The following SGMS1 variants were observed in gnomAD, a reference collection of about 807,000 sequenced individuals.
SGMS1 encodes phosphatidylcholine:ceramide cholinephosphotransferase 1.
In SGMS1, 13 loss-of-function variants were observed where a neutral mutation model predicts 46.2. The observed-to-expected ratio is 0.28, with a 90% CI of 0.18 to 0.45. The LOEUF is 0.45. SGMS1 is among the 20% of genes least tolerant of loss of function. SGMS1 has a pLI of 1.00. For synonymous variants in SGMS1, 203 were observed against 187.8 expected, an observed-to-expected ratio of 1.08 and a Z score of -0.66; for missense variants, 324 against 519.9, an observed-to-expected ratio of 0.62 and a Z score of 3.66.
intron 4 of SGMS1, among the ~76,000 whole-genome samples, chr10:50,465,299 A>G (rs1323612006): frequency 1.3e-5 from 2 of 152,164 alleles, no homozygotes; most frequent in Non-Finnish European, 2.9e-5. Flanking sequence ...AGACAACTAA[A>G]TCCCCAGCAC....
chr10:50,341,080 A>G, intron 7 of SGMS1: 1 of 294,244 alleles, frequency 3.4e-6, no homozygotes, highest in South Asian at 3.4e-5. Flanking sequence ...AACAGGGAGA[A>G]GTTAACTCTC....
At chr10:50,464,975 A>G (rs1054557920) in intron 4 of SGMS1, among the ~76,000 whole-genome samples, 1 of 152,218 alleles carries the variant, frequency 6.6e-6, no homozygotes, top group African/African-American at 2.4e-5. Flanking sequence ...TAGACTCCAG[A>G]TAAGGCTGAA....
At chr10:50,560,959 T>A (rs1838231501) in intron 2 of SGMS1, among the ~76,000 whole-genome samples, 2 of 152,158 alleles carry the variant, frequency 1.3e-5, no homozygotes, top group Non-Finnish European at 2.9e-5. Context: ...TCTCTTTATG[T>A]TATATTCACA....
intron 3 of SGMS1, among the ~76,000 whole-genome samples, chr10:50,478,247 C>T (rs1001578147): frequency 2.0e-5 from 3 of 152,186 alleles, no homozygotes; most frequent in Admixed American, 6.5e-5. Flanking sequence ...ACAATGAAGA[C>T]AGCTGGAACA....
chr10:50,553,170 C>T (rs1248242831), intron 2 of SGMS1, among the ~76,000 whole-genome samples: 1 of 152,196 alleles, frequency 6.6e-6, no homozygotes, highest in Non-Finnish European at 1.5e-5. Context: ...CCACAATAAG[C>T]TCACAATTAG....
chr10:50,431,560 T>C (rs567878710), intron 6 of SGMS1, among the ~76,000 whole-genome samples: 1 of 152,176 alleles, frequency 6.6e-6, no homozygotes, highest in Non-Finnish European at 1.5e-5. Flanking sequence ...AACATTGAGA[T>C]GTCTGATCTG....
intron 2 of SGMS1, among the ~76,000 whole-genome samples, chr10:50,537,412 T>A (rs2133812874): frequency 6.7e-6 from 1 of 150,208 alleles, no homozygotes; most frequent in African/African-American, 2.4e-5. Flanking sequence ...TTACTTAGCA[T>A]CATCCTGTTT....
intron 1 of SGMS1, among the ~76,000 whole-genome samples, chr10:50,607,341 G>A (rs996942078): frequency 3.9e-5 from 6 of 152,102 alleles, no homozygotes; most frequent in Non-Finnish European, 8.8e-5. Context: ...CAATATTAAA[G>A]AGCATGCTTA....
At chr10:50,505,979 G>C (rs1322593023) in intron 3 of SGMS1, among the ~76,000 whole-genome samples, 2 of 152,116 alleles carry the variant, frequency 1.3e-5, no homozygotes, top group African/African-American at 4.8e-5. Context: ...CAGTTGCTCA[G>C]GCCTGAAACT....
intron 1 of SGMS1, among the ~76,000 whole-genome samples, chr10:50,598,541 C>CTGAA (rs1564441283): frequency 2.0e-5 from 3 of 151,972 alleles, no homozygotes; most frequent in Admixed American, 6.6e-5. Flanking sequence ...TGGTGAATGG[C>CTGAA]TGGATATCTG....
At chr10:50,548,521 A>C (rs1838120826) in intron 2 of SGMS1, among the ~76,000 whole-genome samples, 1 of 152,216 alleles carries the variant, frequency 6.6e-6, no homozygotes, top group Non-Finnish European at 1.5e-5. Flanking sequence ...CAGAAAACTG[A>C]AACTGGACCC....
intron 3 of SGMS1, among the ~76,000 whole-genome samples, chr10:50,504,277 G>T (rs984243117): frequency 1.3e-5 from 2 of 152,164 alleles, no homozygotes; most frequent in East Asian, 3.8e-4. Context: ...TGGTGCCTGA[G>T]AATCTATATT....
In SGMS1 at chr10:50,560,461, CAT is replaced by C. The variant is rs1048558682; in HGVS notation, c.-589+29690_-589+29691del. On this transcript the variant is annotated intron_variant, in intron 2 of 10. Transcript: ENST00000361781. The stretch of plus-strand genomic sequence containing the variant: ...TTATGTATATAATATATACATAAAA[CAT>C]ATAATACATATATGTAATACATATT... 2.3e-4 allele frequency among the ~76,000 whole-genome samples: 32 copies of C among 138,940 alleles called. 1 individual carries two copies. In the East Asian group the frequency reaches 5.1e-3, roughly 22 times the overall value. The allele number at this position is 138,940 out of a possible 152,430, so 91.2% of individuals were successfully genotyped here. A position where few individuals can be genotyped will look rare whatever the true frequency, so the allele number is the denominator to read the frequency against.
intron 5 of SGMS1, among the ~76,000 whole-genome samples, chr10:50,458,387 G>A (rs1354205632): frequency 4.2e-5 from 5 of 118,922 alleles, no homozygotes; most frequent in Non-Finnish European, 6.4e-5. Flanking sequence ...GTGGAGTCTC[G>A]CTCCGTCGCC....
chr10:50,354,501 T>C (rs1183815294), intron 6 of SGMS1, among the ~76,000 whole-genome samples: 3 of 152,138 alleles, frequency 2.0e-5, no homozygotes, highest in African/African-American at 7.2e-5. Context: ...GAAGAAAACC[T>C]AGGCAATACC....
intron 6 of SGMS1, among the ~76,000 whole-genome samples, chr10:50,403,872 C>CA (rs1848974952): frequency 6.6e-6 from 1 of 151,512 alleles, no homozygotes; most frequent in Admixed American, 6.6e-5. Flanking sequence ...ACAAAAACAG[C>CA]AGAAAGTATG....
chr10:50,623,943 G>T lies in SGMS1; in HGVS notation c.-920C>A. 1.0e-6 allele frequency: 1 copy of T among 986,114 alleles called. No homozygotes were observed. The highest frequency in any genetic ancestry group is 1.2e-6 in the Non-Finnish European group (1 of 830,576). 61.1% of individuals were successfully genotyped at this position (986,114 alleles called of 1,614,324 possible). ...GCGAACGCTTTCGACTTGCCACCGC[G>T]AGCCTCCCGGGCTGCCGAGCATGCC... On this transcript the variant is annotated 5_prime_UTR_variant, in exon 1 of 11. Transcript: ENST00000361781.
intron 6 of SGMS1, among the ~76,000 whole-genome samples, chr10:50,390,315 C>T (rs1370968899): frequency 6.6e-6 from 1 of 152,184 alleles, no homozygotes. Context: ...ACAAAGTACA[C>T]AAATGTTTAG....
chr10:50,399,461 A>G lies in SGMS1; in HGVS notation c.-232+34015T>C, dbSNP rs151133521. Among the ~76,000 whole-genome samples the G allele has an allele frequency of 1.3e-3, 201 of 152,358 alleles. 4 individuals carry two copies. The highest frequency in any genetic ancestry group is 1.9e-3 in the East Asian group (10 of 5,188). On this transcript the variant is annotated intron_variant, in intron 6 of 10. Coordinates refer to ENST00000361781, the MANE Select transcript of SGMS1 (RefSeq NM_147156.4). ...TGAAATTATAGTACACCCATCCTAC[A>G]GAAGTGGTGCAGTCCATATAAGCAG...
Sources: gnomAD v4.1 joint callset for allele counts (sites outside exome capture counted in the v4.1 genomes callset) on GRCh38, gnomAD v4.1.1 for gene constraint, MANE v1.5 for transcripts, NCBI Gene and HGNC (gene_info 2026-07-23, HGNC 2026-07-21) for gene names.